RBFOX1: variants seen among roughly 807,000 people sequenced by gnomAD.
The protein encoded by RBFOX1 is RNA binding protein fox-1 homolog 1.
RBFOX1 carries 8 observed loss-of-function variants against 57.7 expected under a neutral mutation model. The observed-to-expected ratio is 0.14, with a 90% CI of 0.08 to 0.25. RBFOX1 has a LOEUF of 0.25. RBFOX1 is among the 10% of genes least tolerant of loss of function. The probability of loss-of-function intolerance (pLI) is 1.00; values close to 1 mark genes in which losing one functional copy is unlikely to be tolerated. For synonymous variants in RBFOX1, 326 were observed against 222.4 expected (o/e 1.47, Z -4.15); for missense variants, 611 against 548.5 (o/e 1.11, Z -1.14).
intron 4 of RBFOX1, among the ~76,000 whole-genome samples, chr16:7,399,723 G>C (rs1206597590): frequency 1.1e-5 from 1 of 89,684 alleles, no homozygotes; most frequent in East Asian, 3.0e-4. Context: ...AGTTTAAGAT[G>C]ACCCCATATC....
chr16:6,189,184 C>G (rs1274568145), intron 1 of RBFOX1, among the ~76,000 whole-genome samples: 6 of 152,262 alleles, frequency 3.9e-5, no homozygotes, highest in East Asian at 1.9e-4. Flanking sequence ...ATGGATATTA[C>G]AATGAATGCT....
At chr16:5,540,698 C>A (rs67240172) in intron 2 of RBFOX1, among the ~76,000 whole-genome samples, 2 of 151,830 alleles carry the variant, frequency 1.3e-5, no homozygotes, top group African/African-American at 4.8e-5. Context: ...ACTGACATCA[C>A]GGACTCTGAC....
At chr16:7,262,347 T>C (rs1295153379) in intron 4 of RBFOX1, among the ~76,000 whole-genome samples, 3 of 152,260 alleles carry the variant, frequency 2.0e-5, no homozygotes, top group East Asian at 1.9e-4. Flanking sequence ...AAACCAATCA[T>C]GTACTTTTTT....
chr16:7,057,973 A>G (rs2153742484), intron 4 of RBFOX1, among the ~76,000 whole-genome samples: 1 of 141,934 alleles, frequency 7.0e-6, no homozygotes, highest in Non-Finnish European at 1.5e-5. Context: ...ATGCCACTGC[A>G]CTCCAGTCTG....
intron 4 of RBFOX1, among the ~76,000 whole-genome samples, chr16:7,395,381 G>A (rs1389045571): frequency 6.6e-6 from 1 of 152,212 alleles, no homozygotes; most frequent in Non-Finnish European, 1.5e-5. Context: ...CCCTTTTAGT[G>A]GAGATAAGCC....
intron 3 of RBFOX1, among the ~76,000 whole-genome samples, chr16:5,708,056 G>C (rs1325551072): frequency 2.0e-5 from 3 of 152,138 alleles, no homozygotes; most frequent in Non-Finnish European, 4.4e-5. Context: ...ATAAAAGAAG[G>C]AGGCTAGTTG....
chr16:5,248,524 C>T (rs2062361310), intron 1 of RBFOX1, among the ~76,000 whole-genome samples: 3 of 152,208 alleles, frequency 2.0e-5, no homozygotes, highest in African/African-American at 4.8e-5. Flanking sequence ...GCCTTAGCTT[C>T]TCTAAGGCTC....
At chr16:7,229,095 G>A (rs1486589562) in intron 4 of RBFOX1, among the ~76,000 whole-genome samples, 4 of 152,134 alleles carry the variant, frequency 2.6e-5, no homozygotes, top group Non-Finnish European at 5.9e-5. Flanking sequence ...AAAGAAGGGA[G>A]CACTCTGAAA....
chr16:5,650,039 C>T (rs1257841559), intron 3 of RBFOX1, among the ~76,000 whole-genome samples: 1 of 152,190 alleles, frequency 6.6e-6, no homozygotes, highest in Non-Finnish European at 1.5e-5. Flanking sequence ...GAAGCATTGG[C>T]CGTCTGGGCT....
At chr16:7,422,685 G>C (rs79961036) in intron 4 of RBFOX1, 2,420 of 152,288 alleles carry the variant, frequency 0.016, 61 homozygotes, top group African/African-American at 0.055. Flanking sequence ...AGGATTGGCT[G>C]AGATGTATAG....
At chr16:5,651,370 C>T (rs1324335485) in intron 3 of RBFOX1, among the ~76,000 whole-genome samples, 1 of 152,076 alleles carries the variant, frequency 6.6e-6, no homozygotes, top group Non-Finnish European at 1.5e-5. Flanking sequence ...TAGCTTCTTG[C>T]ACAGCCATTC....
At chr16:5,457,389 C>T (rs2151585344) in intron 1 of RBFOX1, among the ~76,000 whole-genome samples, 1 of 152,306 alleles carries the variant, frequency 6.6e-6, no homozygotes, top group African/African-American at 2.4e-5. Flanking sequence ...TCTGCCTCGG[C>T]CTGTCAAAGT....
At chr16:6,325,591 C>T (rs1205197638) in intron 2 of RBFOX1, among the ~76,000 whole-genome samples, 2 of 152,150 alleles carry the variant, frequency 1.3e-5, no homozygotes, top group African/African-American at 4.8e-5. Flanking sequence ...TTTCTGAAGA[C>T]ATTAGTGAAT....
intron 4 of RBFOX1, among the ~76,000 whole-genome samples, chr16:7,323,227 C>A (rs543332232): frequency 6.6e-6 from 1 of 152,188 alleles, no homozygotes; most frequent in South Asian, 2.1e-4. Context: ...AGTACCAGAC[C>A]CGCCTGGCAA....
intron 4 of RBFOX1, among the ~76,000 whole-genome samples, chr16:5,933,689 C>A (rs1407965403): frequency 6.6e-6 from 1 of 152,032 alleles, no homozygotes; most frequent in Non-Finnish European, 1.5e-5. Flanking sequence ...TTTCCAAAGC[C>A]CTGAAATACT....
intron 2 of RBFOX1, among the ~76,000 whole-genome samples, chr16:6,338,990 T>C (rs1421978340): frequency 6.6e-6 from 1 of 152,182 alleles, no homozygotes; most frequent in Non-Finnish European, 1.5e-5. Context: ...ATTTGGGTAA[T>C]TCCCAGGATC....
At chr16:7,234,161 G>A (rs1243591024) in intron 4 of RBFOX1, among the ~76,000 whole-genome samples, 2 of 152,108 alleles carry the variant, frequency 1.3e-5, no homozygotes, top group Admixed American at 1.3e-4. Flanking sequence ...TGTCAGATAT[G>A]TGGCTCACGG....
chr16:6,869,591 G>A (rs1034198186), intron 3 of RBFOX1, among the ~76,000 whole-genome samples: 2 of 150,216 alleles, frequency 1.3e-5, no homozygotes, highest in African/African-American at 2.5e-5. Context: ...GGATGAAATA[G>A]AGAAAGAAAG....
intron 4 of RBFOX1, among the ~76,000 whole-genome samples, chr16:5,892,819 C>T (rs1161684277): frequency 2.0e-5 from 3 of 152,180 alleles, no homozygotes; most frequent in Non-Finnish European, 2.9e-5. Flanking sequence ...AGTCAAGGCA[C>T]TGTGCAGAGT....
Sources: gnomAD v4.1 joint callset for allele counts (sites outside exome capture counted in the v4.1 genomes callset) on GRCh38, gnomAD v4.1.1 for gene constraint, MANE v1.5 for transcripts, NCBI Gene and HGNC (gene_info 2026-07-23, HGNC 2026-07-21) for gene names.